AGBL4: variants seen among roughly 807,000 people sequenced by gnomAD.
The protein encoded by AGBL4 is cytosolic carboxypeptidase 6.
A neutral mutation model predicts 66.4 loss-of-function variants in AGBL4; 58 were observed. That is an observed-to-expected ratio of 0.87 (90% confidence interval 0.71 to 1.09). AGBL4 has a LOEUF of 1.09. Among genes scored for constraint, AGBL4 ranks in the 50% least tolerant of loss-of-function variants. The pLI, the probability that AGBL4 is intolerant of heterozygous loss-of-function variation, is 0.00. For missense variants in AGBL4, 579 were observed against 631.0 expected, an observed-to-expected ratio of 0.92 and a Z score of 0.88; for synonymous variants, 234 against 222.9, an observed-to-expected ratio of 1.05 and a Z score of -0.44.
rs372704274 is a variant in AGBL4 at position 49,149,262 on chromosome 1, C to T, written c.377+96508G>A. Among the ~76,000 whole-genome samples, 163 of 152,284 alleles carry T rather than the reference C, an allele frequency of 1.1e-3. 1 individual carries two copies. The highest frequency in any genetic ancestry group is 3.8e-3 in the African/African-American group (157 of 41,552). On this transcript the variant is annotated intron_variant, in intron 4 of 13. Transcript: ENST00000371839. ...GATATCTATCTTCTTTGAAGTCTTT[C>T]AAAATTGTTACTCTGTATCTCCAAT...
intron 3 of AGBL4, among the ~76,000 whole-genome samples, chr1:49,559,557 T>C (rs1244306896): frequency 3.9e-5 from 6 of 152,138 alleles, no homozygotes; most frequent in Non-Finnish European, 8.8e-5. Flanking sequence ...AACCATCCAA[T>C]TGGCTGCCAG....
chr1:48,544,726 G>A (rs1644131276), intron 11 of AGBL4, among the ~76,000 whole-genome samples: 1 of 152,058 alleles, frequency 6.6e-6, no homozygotes, highest in African/African-American at 2.4e-5. Flanking sequence ...CTGAGACCCT[G>A]AGACCCTGAG....
intron 6 of AGBL4, among the ~76,000 whole-genome samples, chr1:48,833,606 G>C (rs6673743): frequency 0.49 from 74,622 of 152,054 alleles, 21,143 homozygotes; most frequent in Non-Finnish European, 0.65. Context: ...GAGGTGGCCA[G>C]ACTATCATTT....
At chr1:49,893,521 C>T (rs990448492) in intron 1 of AGBL4, among the ~76,000 whole-genome samples, 4 of 152,122 alleles carry the variant, frequency 2.6e-5, no homozygotes, top group Admixed American at 2.0e-4. Context: ...CAGGCCTGGC[C>T]GCATTCACCA....
At chr1:49,547,017 C>T (rs952750509) in intron 3 of AGBL4, among the ~76,000 whole-genome samples, 9 of 152,138 alleles carry the variant, frequency 5.9e-5, no homozygotes, top group Admixed American at 1.3e-4. Context: ...AATTAAGTCC[C>T]AACTTTTATC....
chr1:49,279,258 G>A (rs1303577863), intron 3 of AGBL4, among the ~76,000 whole-genome samples: 1 of 152,094 alleles, frequency 6.6e-6, no homozygotes, highest in Non-Finnish European at 1.5e-5. Flanking sequence ...TGCCAACAGA[G>A]CATAATATAA....
At chr1:48,676,448 C>G (rs368047777) in intron 6 of AGBL4, among the ~76,000 whole-genome samples, 1 of 152,232 alleles carries the variant, frequency 6.6e-6, no homozygotes, top group Non-Finnish European at 1.5e-5. Flanking sequence ...CTGTGCTTCA[C>G]TCTTCTTGTC....
intron 6 of AGBL4, among the ~76,000 whole-genome samples, chr1:48,748,681 G>C (rs540279450): frequency 3.6e-4 from 55 of 152,230 alleles, no homozygotes; most frequent in African/African-American, 1.3e-3. Context: ...GTGCACAAAG[G>C]GTGCAATGTG....
intron 3 of AGBL4, among the ~76,000 whole-genome samples, chr1:49,678,124 A>C (rs750410960): frequency 6.6e-6 from 1 of 152,114 alleles, no homozygotes; most frequent in Non-Finnish European, 1.5e-5. Context: ...CTAAACTACA[A>C]ATTCAATGTC....
chr1:48,878,586 C>G (rs1335740915), intron 5 of AGBL4, among the ~76,000 whole-genome samples: 1 of 152,072 alleles, frequency 6.6e-6, no homozygotes, highest in Non-Finnish European at 1.5e-5. Context: ...CTTGTATTAC[C>G]CTTGGCCACA....
intron 3 of AGBL4, among the ~76,000 whole-genome samples, chr1:49,516,187 G>A (rs1209152116): frequency 6.6e-6 from 1 of 151,902 alleles, no homozygotes; most frequent in Non-Finnish European, 1.5e-5. Context: ...ATATGACAGT[G>A]TCCTTATCTC....
At chr1:49,165,748 A>G (rs560666718) in intron 4 of AGBL4, among the ~76,000 whole-genome samples, 1 of 151,822 alleles carries the variant, frequency 6.6e-6, no homozygotes, top group African/African-American at 2.4e-5. Context: ...AGAGAAAAAT[A>G]AGAAAGTTAT....
chr1:49,064,012 G>C (rs1644448472), intron 4 of AGBL4, among the ~76,000 whole-genome samples: 1 of 152,116 alleles, frequency 6.6e-6, no homozygotes, highest in Non-Finnish European at 1.5e-5. Context: ...TGCAATGTTG[G>C]GCAAGTGACT....
Position 49,586,463 on chromosome 1 carries a change from C to A in AGBL4, c.282+110850G>T, listed in dbSNP as rs562472262. ...TAGAATTTACAAAAACATTCACATA[C>A]AATCTAACTTGATCCTCAAAAAGAT... On this transcript the variant is annotated intron_variant, in intron 3 of 13. Coordinates refer to ENST00000371839, the MANE Select transcript of AGBL4 (RefSeq NM_032785.4). Among the ~76,000 whole-genome samples, 3 of 152,268 alleles carry A rather than the reference C, an allele frequency of 2.0e-5. No individual in the cohort carries two copies. The East Asian group carries it at 5.8e-4, about 29-fold the overall frequency.
intron 3 of AGBL4, among the ~76,000 whole-genome samples, chr1:49,334,976 CTG>C (rs961341143): frequency 6.6e-6 from 1 of 152,182 alleles, no homozygotes; most frequent in African/African-American, 2.4e-5. Flanking sequence ...ACCAATTTTT[CTG>C]TGTTACATTT....
At chr1:48,687,326 G>A (rs1194587219) in intron 6 of AGBL4, among the ~76,000 whole-genome samples, 1 of 152,214 alleles carries the variant, frequency 6.6e-6, no homozygotes, top group African/African-American at 2.4e-5. Context: ...GAGACTGTGA[G>A]GCTTGGGACA....
At chr1:49,704,023 G>C (rs1647153251) in intron 2 of AGBL4, among the ~76,000 whole-genome samples, 1 of 151,990 alleles carries the variant, frequency 6.6e-6, no homozygotes, top group African/African-American at 2.4e-5. Flanking sequence ...TCTAACCAAA[G>C]ATATCCAAGT....
chr1:49,951,393 AG>A (rs1476910890), intron 1 of AGBL4, among the ~76,000 whole-genome samples: 2 of 151,908 alleles, frequency 1.3e-5, no homozygotes, highest in Non-Finnish European at 2.9e-5. Context: ...ACCATTAACA[AG>A]AACTATCAAA....
intron 3 of AGBL4, among the ~76,000 whole-genome samples, chr1:49,502,036 T>C (rs1382181149): frequency 6.6e-6 from 1 of 152,118 alleles, no homozygotes; most frequent in African/African-American, 2.4e-5. Context: ...ACATATTATA[T>C]ATCCTGAAGA....
Sources: gnomAD v4.1 joint callset for allele counts (sites outside exome capture counted in the v4.1 genomes callset) on GRCh38, gnomAD v4.1.1 for gene constraint, MANE v1.5 for transcripts, NCBI Gene and HGNC (gene_info 2026-07-23, HGNC 2026-07-21) for gene names.